The following SQSTM1 variants were observed in gnomAD, a reference collection of about 807,000 sequenced individuals.
SQSTM1 encodes the protein sequestosome-1.
SQSTM1 carries 36 observed loss-of-function variants against 45.1 expected under a neutral mutation model. The observed-to-expected ratio is 0.80, with a 90% CI of 0.61 to 1.05. The LOEUF is 1.05. SQSTM1 is among the 50% of genes least tolerant of loss of function. SQSTM1 has a pLI of 0.00. For missense variants in SQSTM1, 617 were observed against 607.1 expected, an observed-to-expected ratio of 1.02 and a Z score of -0.17; for synonymous variants, 290 against 244.3, an observed-to-expected ratio of 1.19 and a Z score of -1.74.
chr5:179,821,569 G>A (rs1757780414), intron 1 of SQSTM1: 1 of 460,886 alleles, frequency 2.2e-6, no homozygotes, highest in Non-Finnish European at 4.3e-6. Flanking sequence ...TTCAGATAAT[G>A]CCCTGGAGGA....
intron 6 of SQSTM1, 146 bp from the exon 7 acceptor site, chr5:179,833,441 A>G: frequency 2.0e-6 from 2 of 994,708 alleles, no homozygotes; most frequent in South Asian, 1.4e-5. Flanking sequence ...GGTCTTTGTG[A>G]GTGGCCACTG....
chr5:179,824,114 G>T (rs767471867), intron 3 of SQSTM1, 27 bp downstream of exon 3: 1 of 1,613,694 alleles, frequency 6.2e-7, no homozygotes, highest in East Asian at 2.2e-5. Flanking sequence ...TGCAGGCCTG[G>T]GGTGGGCTCA....
In SQSTM1 at chr5:179,833,081, G is replaced by A. The variant is rs778751638; in HGVS notation, c.804G>A (p.Leu268=). Residue 268 remains leucine (L), a synonymous_variant, in exon 6 of 8, where the codon CTG becomes CTA. Coordinates refer to ENST00000389805, the MANE Select transcript of SQSTM1 (RefSeq NM_003900.5). ...AGCACGGAGGGAAAAGAAGCCGCCT[G>A]ACCCCCGTCTCTCCAGAGAGTTCCA... ...DVEHGGKRSR[L]TPVSPESSST... is the part of the protein sequence containing the mutation. 3 of 1,614,216 alleles carry A rather than the reference G, an allele frequency of 1.9e-6. 1 individual carries two copies. In the South Asian group the frequency reaches 3.3e-5, roughly 18 times the overall value.
intron 2 of SQSTM1, 189 bp from the exon 3 acceptor site, chr5:179,823,669 G>A (rs1000140030): frequency 1.6e-6 from 1 of 624,198 alleles, no homozygotes; most frequent in African/African-American, 1.8e-5. Context: ...AACAGACACA[G>A]GGACTGGGAA....
chr5:179,836,718 G>A lies in SQSTM1; in HGVS notation c.*125G>A. On this transcript the variant is annotated 3_prime_UTR_variant, in exon 8 of 8. Coordinates refer to ENST00000389805, the MANE Select transcript of SQSTM1 (RefSeq NM_003900.5). ...TTCTTCCAGGATCAGGGGTTAGGGT[G>A]CAAGAAGCCATTTAGGGCAGCAAAA... 1.4e-6 allele frequency: 2 copies of A among 1,458,338 alleles called. No homozygotes were observed. Among genetic ancestry groups the A allele is most frequent in the South Asian group, 1.1e-5 (1 of 87,908 alleles). 90.3% of individuals were successfully genotyped at this position (1,458,338 alleles called of 1,614,324 possible).
At chr5:179,822,574 A>G (rs377184102) in intron 1 of SQSTM1, 1 of 340,238 alleles carries the variant, frequency 2.9e-6, no homozygotes, top group Non-Finnish European at 5.8e-6. Context: ...TGGGCCCCTC[A>G]GGAGCAGGTC....
intron 5 of SQSTM1, among the ~76,000 whole-genome samples, chr5:179,828,369 C>CTTTTTTTTTTTTTT (rs57483633): frequency 1.0e-5 from 1 of 98,300 alleles, no homozygotes; most frequent in East Asian, 2.8e-4. Flanking sequence ...TTTTTCTTAT[C>CTTTTTTTTTTTTTT]TTTTTTTTTT....
chr5:179,834,624 C>A (rs440127), intron 7 of SQSTM1, among the ~76,000 whole-genome samples: 9,949 of 151,620 alleles, frequency 0.066, 342 homozygotes, highest in Middle Eastern at 0.13. Flanking sequence ...TCTTAAGGAG[C>A]ATGCTGCCTT....
chr5:179,828,654 G>C (rs530525378), intron 5 of SQSTM1, among the ~76,000 whole-genome samples: 1 of 152,138 alleles, frequency 6.6e-6, no homozygotes, highest in Non-Finnish European at 1.5e-5. Context: ...GATTACAGGC[G>C]TGAGCCACTG....
chr5:179,827,967 A>G (rs115774760), intron 5 of SQSTM1, among the ~76,000 whole-genome samples: 1 of 152,236 alleles, frequency 6.6e-6, no homozygotes, highest in Non-Finnish European at 1.5e-5. Context: ...AGGGAGCCAC[A>G]ACTGAGACCC....
At position 179,833,212 on chromosome 5, in the gene SQSTM1, G is replaced by A. The variant is rs1255507085; in HGVS notation, c.935G>A (p.Arg312Lys). 1.2e-6 allele frequency: 2 copies of A among 1,609,878 alleles called. No homozygotes were observed. The highest frequency in any genetic ancestry group is 1.7e-5 in the Admixed American group (1 of 59,316). ...GATQSLAEQM[R>K]KIALESEGRP... is the part of the protein sequence containing the mutation. The stretch of plus-strand genomic sequence containing the variant: ...ACGCAGTCTCTGGCGGAGCAGATGA[G>A]GAAGATCGCCTTGGAGTCCGAGGGG... Residue 312 changes from arginine (R) to lysine (K), a missense_variant, in exon 6 of 8, where the codon AGG becomes AAG. Transcript: ENST00000389805.
At chr5:179,829,348 C>G (rs1008739181) in intron 5 of SQSTM1, among the ~76,000 whole-genome samples, 1 of 152,156 alleles carries the variant, frequency 6.6e-6, no homozygotes, top group Non-Finnish European at 1.5e-5. Flanking sequence ...CCCCAGGCAC[C>G]CTGCAGAGGG....
At position 179,833,676 on chromosome 5, in the gene SQSTM1, CCA is replaced by C. The variant is rs781417955; in HGVS notation, c.1060_1061del (p.Gln354ValfsTer37). 7 of 1,614,158 alleles carry C rather than the reference CCA, an allele frequency of 4.3e-6. No individual in the cohort carries two copies. Among genetic ancestry groups the C allele is most frequent in the Non-Finnish European group, 5.1e-6 (6 of 1,180,028 alleles). ...AAGTGGACCCGTCTACAGGTGAACT[CCA>C]GTCCCTACAGATGCCAGAATCCGAA... ...KEVDPSTGELQSLQMPESEGP... is the reference protein window; with the variant it reads ...KEVDPSTGELXSLQMPESEGP... On this transcript the variant is annotated frameshift_variant, in exon 7 of 8. Coordinates refer to ENST00000389805, the MANE Select transcript of SQSTM1 (RefSeq NM_003900.5). LOFTEE classifies it high-confidence loss of function.
At chr5:179,810,925 A>G (rs1757374535) in intron 1 of SQSTM1, among the ~76,000 whole-genome samples, 1 of 152,196 alleles carries the variant, frequency 6.6e-6, no homozygotes, top group Non-Finnish European at 1.5e-5. Flanking sequence ...GGAAAAAAAA[A>G]AAGTGACTCA....
chr5:179,821,946 T>TAA (rs79376917), intron 1 of SQSTM1, among the ~76,000 whole-genome samples: 17 of 147,974 alleles, frequency 1.1e-4, no homozygotes, highest in African/African-American at 4.0e-4. Context: ...CTCCTATTCT[T>TAA]AAAAAAAAAA....
At chr5:179,820,746 A>C, upstream of SQSTM1, 1 of 494,884 alleles carries the variant, frequency 2.0e-6, no homozygotes, top group Non-Finnish European at 3.5e-6. Flanking sequence ...AGCGAGGGGT[A>C]GCGGGGAAGG....
At chr5:179,832,498 C>G (rs959050414) in intron 5 of SQSTM1, among the ~76,000 whole-genome samples, 3 of 152,222 alleles carry the variant, frequency 2.0e-5, no homozygotes, top group African/African-American at 4.8e-5. Context: ...CACAAAGCCT[C>G]TGTGTGCAGG....
intron 5 of SQSTM1, among the ~76,000 whole-genome samples, chr5:179,830,592 G>A (rs1179384918): frequency 6.6e-6 from 1 of 150,484 alleles, no homozygotes; most frequent in Non-Finnish European, 1.5e-5. Context: ...TCAGAGTCTC[G>A]CTGTCGCCCA....
At chr5:179,817,559 C>T (rs1036360555), upstream of SQSTM1, among the ~76,000 whole-genome samples, 1 of 152,240 alleles carries the variant, frequency 6.6e-6, no homozygotes, top group African/African-American at 2.4e-5. Flanking sequence ...GCTCTCAGGC[C>T]TGACAACTTG....
Sources: allele counts gnomAD v4.1 joint callset (sites outside exome capture counted in the v4.1 genomes callset), GRCh38; gene constraint gnomAD v4.1.1; transcripts MANE v1.5; gene names NCBI Gene and HGNC (gene_info 2026-07-23, HGNC 2026-07-21).